SYN3: variants seen among roughly 807,000 people sequenced by gnomAD.
SYN3 encodes synapsin III.
A neutral mutation model predicts 65.8 loss-of-function variants in SYN3; 35 were observed. The observed-to-expected ratio is 0.53, with a 90% confidence interval of 0.41 to 0.70. The LOEUF is 0.70. SYN3 is among the 30% of genes least tolerant of loss of function. The probability of loss-of-function intolerance (pLI) is 0.00; values close to 1 mark genes in which losing one functional copy is unlikely to be tolerated. For synonymous variants in SYN3, 270 were observed against 292.9 expected (o/e 0.92, Z 0.80); for missense variants, 680 against 749.0 (o/e 0.91, Z 1.08).
At chr22:32,693,884 G>T (rs1238970788) in intron 6 of SYN3, among the ~76,000 whole-genome samples, 1 of 151,934 alleles carries the variant, frequency 6.6e-6, no homozygotes, top group Non-Finnish European at 1.5e-5. Flanking sequence ...TGCCCGGCCT[G>T]TAACTTATAC....
At chr22:32,756,637 G>C (rs2045299973) in intron 6 of SYN3, among the ~76,000 whole-genome samples, 1 of 152,074 alleles carries the variant, frequency 6.6e-6, no homozygotes, top group Non-Finnish European at 1.5e-5. Context: ...GCTGTCCTCA[G>C]TATAGTAAGT....
chr22:32,549,758 G>A (rs533485805), intron 7 of SYN3, among the ~76,000 whole-genome samples: 11 of 152,246 alleles, frequency 7.2e-5, no homozygotes, highest in Admixed American at 6.5e-4. Context: ...AATTAGCCAG[G>A]CATGGTTGTG....
intron 7 of SYN3, among the ~76,000 whole-genome samples, chr22:32,542,315 G>A (rs1225408348): frequency 6.6e-6 from 1 of 152,164 alleles, no homozygotes; most frequent in Non-Finnish European, 1.5e-5. Flanking sequence ...TGTGTGCATG[G>A]TGTGTATGTG....
At chr22:32,663,439 T>C (rs917532675) in intron 6 of SYN3, among the ~76,000 whole-genome samples, 5 of 151,978 alleles carry the variant, frequency 3.3e-5, no homozygotes, top group East Asian at 3.9e-4. Context: ...GCTGGGAGTA[T>C]AGGCACCCAC....
In SYN3 at chr22:32,513,750, G is replaced by A; in HGVS notation, c.1685C>T (p.Ala562Val). 6.2e-7 allele frequency: 1 copy of A among 1,614,194 alleles called. No homozygotes were observed. Among genetic ancestry groups the A allele is most frequent in the Non-Finnish European group, 8.5e-7 (1 of 1,180,046 alleles). The part of the protein sequence containing the change: ...SQRGTPSEDE[A>V]KAETIRNLRK... ...CAGGTTGCGGATGGTTTCAGCCTTGGCCTCGTCTTCACTTGGGGTCCCACG... is the reference window on the plus strand; with the variant it reads ...CAGGTTGCGGATGGTTTCAGCCTTGACCTCGTCTTCACTTGGGGTCCCACG... Residue 562 changes from alanine (A) to valine (V), a missense_variant, in exon 14 of 14, where the codon GCC becomes GTC. Physicochemically the swap from Ala to Val is moderately conservative, Grantham distance 64. Coordinates refer to ENST00000358763, the MANE Select transcript of SYN3 (RefSeq NM_003490.4).
intron 3 of SYN3, among the ~76,000 whole-genome samples, chr22:32,967,939 G>A (rs1203193640): frequency 6.6e-6 from 1 of 152,238 alleles, no homozygotes; most frequent in African/African-American, 2.4e-5. Flanking sequence ...GGTGTAACCA[G>A]GGGCAGTAGC....
chr22:32,810,557 G>T (rs899433408), intron 6 of SYN3, among the ~76,000 whole-genome samples: 9 of 151,966 alleles, frequency 5.9e-5, no homozygotes, highest in African/African-American at 1.9e-4. Context: ...GAGAGGGGAA[G>T]TCCTGAGCTG....
intron 6 of SYN3, among the ~76,000 whole-genome samples, chr22:32,823,274 C>T (rs570050465): frequency 5.9e-5 from 9 of 152,246 alleles, no homozygotes; most frequent in Non-Finnish European, 1.2e-4. Context: ...ATTGCTCTTA[C>T]GGACCTGACG....
At chr22:32,868,448 A>AC (rs763693946) in intron 5 of SYN3, among the ~76,000 whole-genome samples, 1 of 151,604 alleles carries the variant, frequency 6.6e-6, no homozygotes, top group African/African-American at 2.4e-5. Flanking sequence ...TTATTACAAA[A>AC]CTTTTTTTCG....
intron 6 of SYN3, among the ~76,000 whole-genome samples, chr22:32,855,214 C>T (rs1414481953): frequency 6.6e-6 from 1 of 152,214 alleles, no homozygotes; most frequent in African/African-American, 2.4e-5. Context: ...GTTACCAAAT[C>T]TCACAGTTCA....
At chr22:32,590,709 T>C (rs1488732457) in intron 7 of SYN3, among the ~76,000 whole-genome samples, 1 of 152,266 alleles carries the variant, frequency 6.6e-6, no homozygotes, top group Non-Finnish European at 1.5e-5. Flanking sequence ...ATTTTGGCTA[T>C]TCTCGTGGCT....
intron 3 of SYN3, among the ~76,000 whole-genome samples, chr22:32,934,658 C>T (rs2050723720): frequency 6.6e-6 from 1 of 152,212 alleles, no homozygotes; most frequent in Non-Finnish European, 1.5e-5. Flanking sequence ...ATTTGGAAGA[C>T]TCTCATGAAA....
At chr22:32,769,486 G>A (rs1345561093) in intron 6 of SYN3, among the ~76,000 whole-genome samples, 5 of 151,140 alleles carry the variant, frequency 3.3e-5, no homozygotes, top group Admixed American at 2.0e-4. Context: ...CAACTTTGCC[G>A]GTGGCTCCTT....
chr22:32,971,473 T>C (rs1019876111), intron 3 of SYN3, among the ~76,000 whole-genome samples: 1 of 152,058 alleles, frequency 6.6e-6, no homozygotes, highest in African/African-American at 2.4e-5. Context: ...GCGGGTAGAG[T>C]TCTGTCCGAC....
intron 7 of SYN3, 22 bp from the exon 8 acceptor site, chr22:32,541,735 A>T: frequency 6.2e-7 from 1 of 1,606,108 alleles, no homozygotes; most frequent in East Asian, 2.2e-5. Context: ...GATGAGGGGG[A>T]TGAGTGCCAC....
At chr22:32,726,843 A>G (rs551641908) in intron 6 of SYN3, among the ~76,000 whole-genome samples, 1 of 152,204 alleles carries the variant, frequency 6.6e-6, no homozygotes, top group East Asian at 1.9e-4. Flanking sequence ...CTCAGCCTCC[A>G]TTCTTACTAT....
In SYN3 at chr22:32,687,691, C is replaced by G. The variant is rs1227574624; in HGVS notation, c.712-90955G>C. On this transcript the variant is annotated intron_variant, in intron 6 of 13. Transcript: ENST00000358763. ...TGAGCTCACCTTGTATCACTCTCCC[C>G]CTTACTATAGTCTTTCAAGTCCTCG... Among the ~76,000 whole-genome samples, 3 of 152,124 alleles carry G rather than the reference C, an allele frequency of 2.0e-5. No individual in the cohort carries two copies. The South Asian group carries it at 6.2e-4, about 32-fold the overall frequency.
chr22:32,532,970 CATG>C (rs2058102508), intron 10 of SYN3, among the ~76,000 whole-genome samples: 1 of 148,386 alleles, frequency 6.7e-6, no homozygotes, highest in Admixed American at 6.7e-5. Context: ...AGCCATGGGA[CATG>C]GAGTGGGGGG....
intron 1 of SYN3, among the ~76,000 whole-genome samples, chr22:33,024,981 T>C (rs2053616053): frequency 6.6e-6 from 1 of 152,202 alleles, no homozygotes; most frequent in Non-Finnish European, 1.5e-5. Flanking sequence ...TTGAAAACAG[T>C]TCTCATCTCA....
Sources: allele counts gnomAD v4.1 joint callset (sites outside exome capture counted in the v4.1 genomes callset), GRCh38; gene constraint gnomAD v4.1.1; transcripts MANE v1.5; gene names NCBI Gene and HGNC (gene_info 2026-07-23, HGNC 2026-07-21).